The following TIMD4 variants were observed in gnomAD, a reference collection of about 807,000 sequenced individuals.
TIMD4 encodes the protein T cell immunoglobulin and mucin domain containing 4.
TIMD4 carries 31 observed loss-of-function variants against 41.2 expected under a neutral mutation model. The ratio of observed to expected loss-of-function variants is 0.75; its 90% CI spans 0.57 to 1.01. The LOEUF (loss-of-function observed/expected upper bound fraction) is 1.01. Ranked by LOEUF, TIMD4 falls within the 50% of genes least tolerant of loss-of-function variation. The pLI is 0.00. For missense variants in TIMD4, 479 were observed against 472.5 expected (o/e 1.01, Z -0.13); for synonymous variants, 204 against 177.1 (o/e 1.15, Z -1.21).
chr5:156,942,126 A>G (rs1218248116), intron 5 of TIMD4, among the ~76,000 whole-genome samples: 1 of 152,252 alleles, frequency 6.6e-6, no homozygotes, highest in African/African-American at 2.4e-5. Flanking sequence ...GAATATTGAC[A>G]GCAAAGTCCT....
chr5:156,934,436 T>TTTTG (rs1230432127), intron 5 of TIMD4, among the ~76,000 whole-genome samples: 4 of 149,146 alleles, frequency 2.7e-5, no homozygotes, highest in Middle Eastern at 3.2e-3. Context: ...GTGTGGTTTT[T>TTTTG]TTTGTTTGTT....
At chr5:156,960,395 T>A (rs1194646235) in intron 1 of TIMD4, among the ~76,000 whole-genome samples, 3 of 151,442 alleles carry the variant, frequency 2.0e-5, no homozygotes, top group Non-Finnish European at 4.4e-5. Context: ...AGATTGTTTT[T>A]TTCTTCCCCC....
chr5:156,954,674 G>A lies in TIMD4; in HGVS notation c.141C>T (p.His47=), dbSNP rs143159453. 4.5e-5 allele frequency: 72 copies of A among 1,614,096 alleles called. 1 individual carries two copies. Among genetic ancestry groups the A allele is most frequent in the Middle Eastern group, 1.6e-4 (1 of 6,084 alleles). ...TLPCLYSSWS[H]NSNSMCWGKD... ...TCCCCCAGCACATGCTGTTGCTGTT[G>A]TGAGACCAGGATGAGTACAGACAGG... Residue 47 remains histidine, a synonymous_variant, in exon 2 of 9, where the codon CAC becomes CAT. Coordinates refer to ENST00000274532, the MANE Select transcript of TIMD4 (RefSeq NM_138379.3).
rs747271206 is a variant in TIMD4, at chr5:156,948,397, A to T, written c.844+19T>A. Reference sequence around the variant, plus strand: ...ATTAATAAAGTAAAATAAAATAAAAAAAATCACAGCCCCCCTACCTCCAGG... The same window carrying T: ...ATTAATAAAGTAAAATAAAATAAAATAAATCACAGCCCCCCTACCTCCAGG... On this transcript the variant is annotated intron_variant, in intron 5 of 8. Coordinates refer to ENST00000274532, the MANE Select transcript of TIMD4 (RefSeq NM_138379.3). The T allele has an allele frequency of 4.9e-5, 67 of 1,355,682 alleles. No individual in the cohort carries two copies. Among genetic ancestry groups the T allele is most frequent in the East Asian group, 1.6e-4 (6 of 36,566 alleles). 84.0% of individuals were successfully genotyped at this position (1,355,682 alleles called of 1,614,324 possible).
rs754265826 is a variant in TIMD4 at position 156,954,471 on chromosome 5, T to C, written c.344A>G (p.Glu115Gly). 3 of 1,614,228 alleles carry C rather than the reference T, an allele frequency of 1.9e-6. No individual in the cohort carries two copies. The highest frequency in any genetic ancestry group is 2.5e-6 in the Non-Finnish European group (3 of 1,180,046). The change falls in exon 2 of 9, where the codon GAA (glutamate) becomes GGA (glycine). Residue 115 changes from glutamate (E) to glycine (G), a missense_variant. By Grantham distance (98) the Glu-to-Gly change is moderately conservative (BLOSUM62 -2). Transcript: ENST00000274532. Reference sequence around the variant, plus strand: ...TACATCGTTGAACCAGCCAGGCACTTCTATGCGGCAGCAGTACACACCGCT... The same window carrying C: ...TACATCGTTGAACCAGCCAGGCACTCCTATGCGGCAGCAGTACACACCGCT... ...SDSGVYCCRI[E>G]VPGWFNDVKI...
rs77888559 is a variant in TIMD4 at position 156,934,705 on chromosome 5, T to C, written c.845-8393A>G. 4.6e-4 allele frequency among the ~76,000 whole-genome samples: 70 copies of C among 152,140 alleles called. No homozygotes were observed. The East Asian group carries it at 0.011, about 23-fold the overall frequency. On this transcript the variant is annotated intron_variant, in intron 5 of 8. Coordinates refer to ENST00000274532, the MANE Select transcript of TIMD4 (RefSeq NM_138379.3). ...AACAAAGGAAATTTGAACCCAACTC[T>C]GAATGACTCAAAAAAAAATGTTCTT...
chr5:156,951,453 GGGC>G, intron 3 of TIMD4, 56 bp downstream of exon 3: 1 of 1,591,106 alleles, frequency 6.3e-7, no homozygotes, highest in Non-Finnish European at 8.6e-7. Context: ...GCAAGTCACT[GGGC>G]TGCCTCATTC....
At chr5:156,946,481 T>C (rs954840694) in intron 5 of TIMD4, among the ~76,000 whole-genome samples, 7 of 152,122 alleles carry the variant, frequency 4.6e-5, no homozygotes, top group Non-Finnish European at 4.4e-5. Flanking sequence ...GAGCTTTTTT[T>C]TGTTTGTTTG....
At chr5:156,923,707 T>C (rs2113340802) in intron 6 of TIMD4, among the ~76,000 whole-genome samples, 1 of 150,716 alleles carries the variant, frequency 6.6e-6, no homozygotes, top group Non-Finnish European at 1.5e-5. Context: ...CCTGGCTATT[T>C]TTTTTTTTTT....
chr5:156,920,847 C>A (rs1644817817), intron 7 of TIMD4, among the ~76,000 whole-genome samples: 1 of 152,164 alleles, frequency 6.6e-6, no homozygotes, highest in Admixed American at 6.5e-5. Context: ...TGTAATCATG[C>A]CTTTGTATGA....
rs1759502411 is a variant in TIMD4 at position 156,934,428 on chromosome 5, GT to G, written c.845-8117del. 2.0e-5 allele frequency among the ~76,000 whole-genome samples: 3 copies of G among 151,934 alleles called. No individual in the cohort carries two copies. In the South Asian group the frequency reaches 6.2e-4, roughly 32 times the overall value. On this transcript the variant is annotated intron_variant, in intron 5 of 8. Transcript: ENST00000274532. The stretch of plus-strand genomic sequence containing the variant: ...GTGCCACCACACCTAGCTAGTGTGT[GT>G]GGTTTTTTTTGTTTGTTTGTTTGTT...
intron 3 of TIMD4, among the ~76,000 whole-genome samples, chr5:156,950,486 C>G (rs1260340108): frequency 1.3e-5 from 2 of 152,118 alleles, no homozygotes; most frequent in East Asian, 3.9e-4. Context: ...TTAGCCAATT[C>G]AATTTTGTAA....
intron 6 of TIMD4, among the ~76,000 whole-genome samples, chr5:156,923,889 G>A (rs1470970454): frequency 6.6e-6 from 1 of 151,778 alleles, no homozygotes; most frequent in East Asian, 1.9e-4. Context: ...CTACGTTGTA[G>A]TGCAGTGGCA....
Position 156,949,736 on chromosome 5 carries a change from A to C in TIMD4, c.680-5T>G, listed in dbSNP as rs374015851. The stretch of plus-strand genomic sequence containing the variant: ...TGGGGAGGACAGTTTCTGATTCTGG[A>C]AGAGAAAAAAGTTGGATAAAAGGCA... On this transcript the variant is annotated splice_polypyrimidine_tract_variant and splice_region_variant and intron_variant, in intron 3 of 8. Transcript: ENST00000274532. 2.9e-5 allele frequency: 47 copies of C among 1,606,568 alleles called. No individual in the cohort carries two copies. In the African/African-American group the frequency reaches 4.9e-4, roughly 17 times the overall value.
At chr5:156,920,116 G>T (rs910722714) in intron 8 of TIMD4, among the ~76,000 whole-genome samples, 4 of 152,094 alleles carry the variant, frequency 2.6e-5, no homozygotes, top group Non-Finnish European at 4.4e-5. Flanking sequence ...TTTCCATATT[G>T]CCAACGCTCC....
intron 5 of TIMD4, among the ~76,000 whole-genome samples, chr5:156,934,694 G>C (rs1759507272): frequency 6.6e-6 from 1 of 151,930 alleles, no homozygotes; most frequent in Non-Finnish European, 1.5e-5. Flanking sequence ...AAGGAAATTT[G>C]AACCCAACTC....
chr5:156,954,884 C>CTT (rs57901645), intron 1 of TIMD4, 128 bp from the exon 2 acceptor site: 10,724 of 677,878 alleles, frequency 0.016, 217 homozygotes, highest in African/African-American at 0.099. Flanking sequence ...CTTTTCTTTC[C>CTT]TTTTTTTTTT....
At chr5:156,944,060 CAAA>C (rs199522710) in intron 5 of TIMD4, among the ~76,000 whole-genome samples, 1 of 101,044 alleles carries the variant, frequency 9.9e-6, no homozygotes, top group Non-Finnish European at 2.1e-5. Context: ...GACTCTGTCT[CAAA>C]AAAAAAAAAA....
intron 6 of TIMD4, chr5:156,924,600 A>G (rs781065484): frequency 8.1e-6 from 2 of 247,240 alleles, no homozygotes; most frequent in Non-Finnish European, 8.4e-6. Flanking sequence ...TGTGCAGGTC[A>G]GAAAGGAGAT....
Sources: gnomAD v4.1 joint callset for allele counts (sites outside exome capture counted in the v4.1 genomes callset) on GRCh38, gnomAD v4.1.1 for gene constraint, MANE v1.5 for transcripts, NCBI Gene and HGNC (gene_info 2026-07-23, HGNC 2026-07-21) for gene names.